The following MYO16 variants were observed in gnomAD, a reference collection of about 807,000 sequenced individuals.
MYO16 encodes unconventional myosin-XVI.
In MYO16, 94 loss-of-function variants were observed where a neutral mutation model predicts 205.3. The observed-to-expected ratio is 0.46, with a 90% CI of 0.39 to 0.54. The LOEUF is 0.54. MYO16 is among the 20% of genes least tolerant of loss of function. The pLI, the probability that MYO16 is intolerant of heterozygous loss-of-function variation, is 0.00. For synonymous variants in MYO16, 988 were observed against 954.0 expected, an observed-to-expected ratio of 1.04 and a Z score of -0.66; for missense variants, 2,315 against 2,387.5, an observed-to-expected ratio of 0.97 and a Z score of 0.63.
chr13:109,077,527 C>T (rs1888147835), intron 27 of MYO16, among the ~76,000 whole-genome samples: 1 of 152,168 alleles, frequency 6.6e-6, no homozygotes, highest in South Asian at 2.1e-4. Context: ...TGAGCATTTA[C>T]TCCTGGTGCT....
At chr13:108,547,271 C>CAAA in the MYO16 span, among the ~76,000 whole-genome samples, 13 of 92,372 alleles carry the variant, frequency 1.4e-4, no homozygotes, top group African/African-American at 4.9e-4. Flanking sequence ...GACTCTGTCT[C>CAAA]AAAAAAAAAA....
At chr13:108,732,830 G>GA (rs1446341921) in intron 4 of MYO16, among the ~76,000 whole-genome samples, 1 of 152,202 alleles carries the variant, frequency 6.6e-6, no homozygotes, top group Non-Finnish European at 1.5e-5. Context: ...AGAAGTGGTT[G>GA]ACATCTGGAT....
chr13:108,499,455 A>C, the MYO16 span, among the ~76,000 whole-genome samples: 351 of 152,300 alleles, frequency 2.3e-3, 1 homozygote, highest in African/African-American at 8.0e-3. Flanking sequence ...CATTTACAGG[A>C]GCACACTGCG....
the MYO16 span, among the ~76,000 whole-genome samples, chr13:108,559,535 G>A: frequency 5.4e-4 from 75 of 138,280 alleles, no homozygotes; most frequent in African/African-American, 1.6e-3. Context: ...GTGCAGTGGC[G>A]TGATCTGGGC....
intron 4 of MYO16, among the ~76,000 whole-genome samples, chr13:108,758,436 A>C (rs1270489278): frequency 6.6e-6 from 1 of 152,176 alleles, no homozygotes; most frequent in African/African-American, 2.4e-5. Flanking sequence ...GTAAGAGATC[A>C]CTGTTATCAG....
At chr13:108,863,558 T>C (rs1317078788) in intron 11 of MYO16, among the ~76,000 whole-genome samples, 1 of 152,144 alleles carries the variant, frequency 6.6e-6, no homozygotes, top group African/African-American at 2.4e-5. Flanking sequence ...AGGTGTATTA[T>C]CATTATTACT....
Position 109,055,214 on chromosome 13 carries a change from CAACTT to C in MYO16, c.3129+91_3129+95del, listed in dbSNP as rs1385680201. The C allele has an allele frequency of 8.6e-6, 10 of 1,158,822 alleles. No individual in the cohort carries two copies. Among genetic ancestry groups the C allele is most frequent in the African/African-American group, 3.2e-5 (2 of 63,214 alleles). 71.8% of individuals were successfully genotyped at this position (1,158,822 alleles called of 1,614,324 possible). On this transcript the variant is annotated intron_variant, in intron 26 of 34. Transcript: ENST00000457511. The surrounding 1 kb of genome is among the most constrained non-coding windows in gnomAD (Gnocchi z 5.0). The stretch of plus-strand genomic sequence containing the variant: ...TGTAGACTTTTTTTTCCATTTTTGA[CAACTT>C]AAATATCTTCACAAAAAAAGTAAAC...
the MYO16 span, among the ~76,000 whole-genome samples, chr13:108,577,147 C>A: frequency 1.3e-5 from 2 of 152,176 alleles, no homozygotes; most frequent in Admixed American, 1.3e-4. Flanking sequence ...GGTGTTTGGT[C>A]ATTTTTTGTT....
intron 6 of MYO16, among the ~76,000 whole-genome samples, chr13:108,806,336 T>C (rs1038474692): frequency 6.6e-5 from 10 of 152,232 alleles, no homozygotes; most frequent in Admixed American, 3.3e-4. Context: ...GCAAATATTT[T>C]ACCTTTGGGC....
the MYO16 span, among the ~76,000 whole-genome samples, chr13:108,500,211 TTTTTTTTTTGTTTTTTTTTTG>T: frequency 6.1e-3 from 75 of 12,228 alleles, 1 homozygote; most frequent in Admixed American, 9.5e-3. Context: ...TTCCTGTTTT[TTTTTTTTTTGTTTTTTTTTTG>T]TTTTTTTTGT....
the MYO16 span, among the ~76,000 whole-genome samples, chr13:108,501,369 C>T: frequency 3.0e-4 from 46 of 152,314 alleles, no homozygotes; most frequent in Admixed American, 7.2e-4. Context: ...TATCGTATCT[C>T]TCCTCTGCCG....
chr13:108,882,822 T>C (rs1209010809), intron 12 of MYO16, among the ~76,000 whole-genome samples: 1 of 152,212 alleles, frequency 6.6e-6, no homozygotes, highest in African/African-American at 2.4e-5. Flanking sequence ...GCAGAATAAT[T>C]AAAGCCTGTG....
intron 2 of MYO16, among the ~76,000 whole-genome samples, chr13:108,698,760 G>A (rs75267282): frequency 4.9e-4 from 75 of 152,204 alleles, no homozygotes; most frequent in Non-Finnish European, 8.7e-4. Flanking sequence ...AATAATTCTC[G>A]CCTTTTTGAA....
At chr13:109,049,591 T>C (rs1185688505) in intron 24 of MYO16, among the ~76,000 whole-genome samples, 1 of 152,164 alleles carries the variant, frequency 6.6e-6, no homozygotes, top group Non-Finnish European at 1.5e-5. Flanking sequence ...TAAATTTTTT[T>C]TTGTACTACC....
intron 23 of MYO16, among the ~76,000 whole-genome samples, chr13:109,023,127 A>G (rs1265559903): frequency 7.6e-6 from 1 of 131,854 alleles, no homozygotes; most frequent in Non-Finnish European, 1.5e-5. Flanking sequence ...ATAACAATAT[A>G]TAAATTTATG....
intron 4 of MYO16, among the ~76,000 whole-genome samples, chr13:108,780,925 T>C (rs1458252267): frequency 1.3e-5 from 2 of 152,178 alleles, no homozygotes; most frequent in Non-Finnish European, 2.9e-5. Context: ...AGTTGAAACT[T>C]CAGTAAATGA....
chr13:109,167,255 G>A (rs1394711698), intron 33 of MYO16: 1 of 152,218 alleles, frequency 6.6e-6, no homozygotes, highest in Non-Finnish European at 1.5e-5. Context: ...TGAGTGCCTG[G>A]AGGTGGGCTC....
At chr13:109,136,155 G>A (rs995678692) in intron 31 of MYO16, among the ~76,000 whole-genome samples, 12 of 151,358 alleles carry the variant, frequency 7.9e-5, no homozygotes, top group South Asian at 4.2e-4. Flanking sequence ...ATGCAGTGGC[G>A]CAATCTTGGT....
chr13:108,668,980 A>G (rs192697713), intron 2 of MYO16, among the ~76,000 whole-genome samples: 107 of 152,180 alleles, frequency 7.0e-4, no homozygotes, highest in Admixed American at 1.8e-3. Context: ...CCACAGTAGG[A>G]GTGCCTCTAG....
Sources: gnomAD v4.1 joint callset for allele counts (sites outside exome capture counted in the v4.1 genomes callset) on GRCh38, gnomAD v4.1.1 for gene constraint, Gnocchi (gnomAD v3.1) non-coding constraint, MANE v1.5 for transcripts, NCBI Gene and HGNC (gene_info 2026-07-23, HGNC 2026-07-21) for gene names.